NEDD4L: variants seen among roughly 807,000 people sequenced by gnomAD.
NEDD4L encodes NEDD4 like E3 ubiquitin protein ligase, also known as E3 ubiquitin-protein ligase NEDD4-like.
NEDD4L carries 54 observed loss-of-function variants against 148.9 expected under a neutral mutation model. The ratio of observed to expected loss-of-function variants is 0.36; its 90% CI spans 0.29 to 0.45. The LOEUF is 0.45. Among genes scored for constraint, NEDD4L ranks in the 20% least tolerant of loss-of-function variants. The probability of loss-of-function intolerance (pLI) is 1.00; values close to 1 mark genes in which losing one functional copy is unlikely to be tolerated. For synonymous variants in NEDD4L, 433 were observed against 440.7 expected (o/e 0.98, Z 0.22); for missense variants, 856 against 1,233.8 (o/e 0.69, Z 4.59).
chr18:58,321,184 A>T (rs1409690205), intron 6 of NEDD4L, among the ~76,000 whole-genome samples: 1 of 152,244 alleles, frequency 6.6e-6, no homozygotes, highest in African/African-American at 2.4e-5. Context: ...TAGTATGTCA[A>T]CAAATGAACA....
At chr18:58,151,993 A>C (rs2034830203) in intron 1 of NEDD4L, among the ~76,000 whole-genome samples, 1 of 152,180 alleles carries the variant, frequency 6.6e-6, no homozygotes, top group Admixed American at 6.5e-5. Flanking sequence ...ATAGGATAGA[A>C]AGGCACAGTG....
At position 58,256,049 on chromosome 18, in the gene NEDD4L, T is replaced by C. The variant is rs2048492749; in HGVS notation, c.297+3995T>C. On this transcript the variant is annotated intron_variant, in intron 5 of 30. Transcript: ENST00000400345. This position sits in a 1 kb window ranked among gnomAD's most constrained non-coding sequence, Gnocchi z 5.2. ...CTCCGCCACTGCCACCACGAGGGCCTCGCCCCAGAGTGGCTCCCGGGAGCC... is the reference window on the plus strand; with the variant it reads ...CTCCGCCACTGCCACCACGAGGGCCCCGCCCCAGAGTGGCTCCCGGGAGCC... 2.0e-5 allele frequency: 25 copies of C among 1,229,332 alleles called. No homozygotes were observed. The highest frequency in any genetic ancestry group is 2.5e-5 in the Non-Finnish European group (25 of 986,452). The allele number at this position is 1,229,332 out of a possible 1,614,324, so 76.2% of individuals were successfully genotyped here.
chr18:58,319,455 C>T lies in NEDD4L; in HGVS notation c.349-2970C>T, dbSNP rs148562859. Among the ~76,000 whole-genome samples the T allele has an allele frequency of 1.0e-3, 156 of 152,320 alleles. 3 individuals are homozygous for T. The East Asian group carries it at 0.028, about 27-fold the overall frequency. On this transcript the variant is annotated intron_variant, in intron 6 of 30. Transcript: ENST00000400345. ...CTATTCCATAGTGAATGCACCTAGG[C>T]TGAAAGCAACTACTCTCTTTCAAGA...
In NEDD4L at chr18:58,105,838, C is replaced by T. The variant is rs552007243; in HGVS notation, c.49-59950C>T. On this transcript the variant is annotated intron_variant, in intron 1 of 30. Coordinates refer to ENST00000400345, the MANE Select transcript of NEDD4L (RefSeq NM_001144967.3). The stretch of plus-strand genomic sequence containing the variant: ...TTTTGGAAGGAAAGAATACGAAAGC[C>T]AGCCCGCAAAAGATCACTGGGTGGG... Among the ~76,000 whole-genome samples, 22 of 152,316 alleles carry T rather than the reference C, an allele frequency of 1.4e-4. No homozygotes were observed. The South Asian group carries it at 4.3e-3, about 30-fold the overall frequency.
chr18:58,172,228 T>C (rs868418717), intron 2 of NEDD4L, among the ~76,000 whole-genome samples: 2 of 152,024 alleles, frequency 1.3e-5, no homozygotes, highest in Admixed American at 1.3e-4. Context: ...GCCGACAGGG[T>C]CAGGAACCAA....
chr18:58,074,366 C>T (rs1379280323), intron 1 of NEDD4L, among the ~76,000 whole-genome samples: 2 of 150,728 alleles, frequency 1.3e-5, no homozygotes, highest in African/African-American at 4.9e-5. Context: ...TCAAGCAATT[C>T]TCCTGCCTCA....
intron 24 of NEDD4L, among the ~76,000 whole-genome samples, chr18:58,374,645 G>T (rs929730545): frequency 6.6e-6 from 1 of 151,878 alleles, no homozygotes; most frequent in Non-Finnish European, 1.5e-5. Context: ...CTCCAGCCCT[G>T]TCTACCTCCT....
intron 2 of NEDD4L, among the ~76,000 whole-genome samples, chr18:58,188,103 A>T (rs2039673885): frequency 6.6e-6 from 1 of 152,180 alleles, no homozygotes; most frequent in African/African-American, 2.4e-5. Flanking sequence ...TTCCAAGGGG[A>T]TGTGCGGCCA....
chr18:58,244,694 T>A (rs1030178033), intron 2 of NEDD4L, among the ~76,000 whole-genome samples: 1 of 152,184 alleles, frequency 6.6e-6, no homozygotes, highest in Non-Finnish European at 1.5e-5. Flanking sequence ...TTTTTGTCTT[T>A]TTTTTGGGGG....
intron 2 of NEDD4L, among the ~76,000 whole-genome samples, chr18:58,231,648 C>T (rs1201262567): frequency 2.0e-5 from 3 of 152,114 alleles, no homozygotes; most frequent in Non-Finnish European, 4.4e-5. Context: ...CTGCAACCTC[C>T]GCCTCCAAGG....
At chr18:58,203,517 A>G (rs1034357748) in intron 2 of NEDD4L, among the ~76,000 whole-genome samples, 2 of 152,196 alleles carry the variant, frequency 1.3e-5, no homozygotes, top group African/African-American at 4.8e-5. Context: ...GAGCTAGTAC[A>G]CTGTAGGAAA....
At chr18:58,364,375 T>C in intron 20 of NEDD4L, 42 bp downstream of exon 20, 1 of 1,288,052 alleles carries the variant, frequency 7.8e-7, no homozygotes, top group Non-Finnish European at 1.1e-6. Context: ...TGTTAGTCAT[T>C]TGTAAGTTAC....
At chr18:58,357,083 G>T in intron 18 of NEDD4L, 111 bp from the exon 19 acceptor site, 1 of 927,850 alleles carries the variant, frequency 1.1e-6, no homozygotes, top group Non-Finnish European at 1.7e-6. Context: ...CAGGGTGGGG[G>T]ACTGGACAGC....
At chr18:58,216,392 T>C (rs1461322196) in intron 2 of NEDD4L, among the ~76,000 whole-genome samples, 2 of 151,848 alleles carry the variant, frequency 1.3e-5, no homozygotes, top group African/African-American at 2.4e-5. Context: ...GCCTGGAGAG[T>C]TGCAAGAAAG....
At chr18:58,194,462 C>A (rs893068112) in intron 2 of NEDD4L, among the ~76,000 whole-genome samples, 61 of 152,192 alleles carry the variant, frequency 4.0e-4, no homozygotes, top group Non-Finnish European at 7.1e-4. Context: ...AAGAAAAAGA[C>A]CTTTTGGCTC....
At chr18:58,105,869 T>TA (rs1336710661) in intron 1 of NEDD4L, among the ~76,000 whole-genome samples, 1 of 152,228 alleles carries the variant, frequency 6.6e-6, no homozygotes, top group Admixed American at 6.5e-5. Flanking sequence ...GTGGGGGTCA[T>TA]AGTCTGTGAT....
intron 30 of NEDD4L, among the ~76,000 whole-genome samples, chr18:58,392,257 G>A (rs1329305535): frequency 6.6e-6 from 1 of 152,230 alleles, no homozygotes; most frequent in Non-Finnish European, 1.5e-5. Context: ...TGGTTTTTCT[G>A]CAAAGGCCTT....
intron 2 of NEDD4L, among the ~76,000 whole-genome samples, chr18:58,177,833 G>T (rs2038358080): frequency 6.6e-6 from 1 of 152,156 alleles, no homozygotes; most frequent in Admixed American, 6.5e-5. Flanking sequence ...ATTCTATTTG[G>T]GGGAGAAGCC....
intron 11 of NEDD4L, among the ~76,000 whole-genome samples, chr18:58,333,297 C>T (rs1195603451): frequency 6.8e-6 from 1 of 147,352 alleles, no homozygotes; most frequent in African/African-American, 2.5e-5. Context: ...AAAAAAAAAG[C>T]AGCTAAAATT....
Sources: gnomAD v4.1 joint callset for allele counts (sites outside exome capture counted in the v4.1 genomes callset) on GRCh38, gnomAD v4.1.1 for gene constraint, Gnocchi (gnomAD v3.1) non-coding constraint, MANE v1.5 for transcripts, NCBI Gene and HGNC (gene_info 2026-07-23, HGNC 2026-07-21) for gene names.